TRAF3IP1: variants seen among roughly 807,000 people sequenced by gnomAD.
TRAF3IP1 encodes the protein intraflagellar transport 54.
A neutral mutation model predicts 89.9 loss-of-function variants in TRAF3IP1; 53 were observed. The ratio of observed to expected loss-of-function variants is 0.59; its 90% CI spans 0.47 to 0.74. TRAF3IP1 has a LOEUF of 0.74. TRAF3IP1 is among the 30% of genes least tolerant of loss of function. TRAF3IP1 has a pLI of 0.00. For missense variants in TRAF3IP1, 806 were observed against 866.1 expected (o/e 0.93, Z 0.87); for synonymous variants, 311 against 322.1 (o/e 0.97, Z 0.37).
intron 15 of TRAF3IP1, among the ~76,000 whole-genome samples, chr2:238,374,807 G>A (rs1354038734): frequency 1.3e-5 from 2 of 152,106 alleles, no homozygotes; most frequent in African/African-American, 2.4e-5. Context: ...TAATTTCAGA[G>A]CCTGTTATTG....
intron 15 of TRAF3IP1, among the ~76,000 whole-genome samples, chr2:238,370,265 CTA>C (rs56886761): frequency 0.12 from 17,608 of 151,490 alleles, 1,706 homozygotes; most frequent in African/African-American, 0.27. Flanking sequence ...GTGTGCATGT[CTA>C]TGTGAATGTC....
chr2:238,389,796 A>G (rs1700921075), intron 15 of TRAF3IP1, among the ~76,000 whole-genome samples: 1 of 144,742 alleles, frequency 6.9e-6, no homozygotes, highest in Non-Finnish European at 1.5e-5. Flanking sequence ...ATTCTCTTGA[A>G]GGATTGCAGT....
intron 15 of TRAF3IP1, among the ~76,000 whole-genome samples, chr2:238,382,909 G>A (rs1222962627): frequency 6.6e-6 from 1 of 151,720 alleles, no homozygotes; most frequent in African/African-American, 2.4e-5. Context: ...TGGAAGCCAC[G>A]TGTTTTTATT....
intron 10 of TRAF3IP1, among the ~76,000 whole-genome samples, 172 bp from the exon 11 acceptor site, chr2:238,348,592 C>T (rs555573144): frequency 6.6e-6 from 1 of 152,302 alleles, no homozygotes; most frequent in African/African-American, 2.4e-5. Context: ...AGATATCAGA[C>T]ATCGATTTTC....
chr2:238,344,815 C>T (rs1698818851), intron 9 of TRAF3IP1: 1 of 659,836 alleles, frequency 1.5e-6, no homozygotes, highest in Non-Finnish European at 2.8e-6. Flanking sequence ...CTCCCCCGTG[C>T]TCTGTAAGTG....
At chr2:238,336,486 G>A (rs902214139) in intron 7 of TRAF3IP1, among the ~76,000 whole-genome samples, 1 of 152,060 alleles carries the variant, frequency 6.6e-6, no homozygotes, top group Non-Finnish European at 1.5e-5. Flanking sequence ...CTTGCTCAAG[G>A]GGATGAATGA....
rs370111439 is a variant in TRAF3IP1, at chr2:238,323,385, T to C, written c.124-1921T>C. On this transcript the variant is annotated intron_variant, in intron 1 of 16. Coordinates refer to ENST00000373327, the MANE Select transcript of TRAF3IP1 (RefSeq NM_015650.4). ...TGAGCTACTGTACCCAGCCTATTGC[T>C]CACAATTTTAACTGCCAGCATCCTG... 1.1e-3 allele frequency among the ~76,000 whole-genome samples: 164 copies of C among 152,264 alleles called. 1 individual carries two copies. The highest frequency in any genetic ancestry group is 6.8e-3 in the Middle Eastern group (2 of 294).
chr2:238,325,773 A>G (rs1697796391), intron 2 of TRAF3IP1, 36 bp from the exon 3 acceptor site: 1 of 1,586,698 alleles, frequency 6.3e-7, no homozygotes, highest in Non-Finnish European at 8.6e-7. Flanking sequence ...TCTTCAAAGT[A>G]TTGTAATATT....
intron 15 of TRAF3IP1, among the ~76,000 whole-genome samples, chr2:238,387,425 T>G (rs1403178960): frequency 6.6e-6 from 1 of 152,190 alleles, no homozygotes; most frequent in Non-Finnish European, 1.5e-5. Context: ...GGCATGGGAG[T>G]AGAGCTAAAG....
chr2:238,338,635 AG>A (rs1282146000), intron 8 of TRAF3IP1, among the ~76,000 whole-genome samples, 178 bp downstream of exon 8: 3 of 152,214 alleles, frequency 2.0e-5, no homozygotes, highest in African/African-American at 7.2e-5. Context: ...TAATATGCTA[AG>A]TTATGTAACT....
chr2:238,352,909 G>C lies in TRAF3IP1; in HGVS notation c.1534G>C (p.Glu512Gln). The stretch of plus-strand genomic sequence containing the variant: ...TGAAGAGGATGATCAATTTGTGGTG[G>C]AAGCTGCCCCTCAGCTCTCTGAAAT... The part of the protein sequence containing the change: ...DNEEDDQFVV[E>Q]AAPQLSEMSE... Residue 512 changes from glutamate to glutamine, a missense_variant, in exon 13 of 17, where the codon GAA becomes CAA. Coordinates refer to ENST00000373327, the MANE Select transcript of TRAF3IP1 (RefSeq NM_015650.4). The C allele has an allele frequency of 6.2e-7, 1 of 1,613,928 alleles. No individual in the cohort carries two copies. The highest frequency in any genetic ancestry group is 2.2e-5 in the East Asian group (1 of 44,888).
At chr2:238,365,486 C>T (rs1014544915) in intron 15 of TRAF3IP1, among the ~76,000 whole-genome samples, 1 of 151,974 alleles carries the variant, frequency 6.6e-6, no homozygotes, top group African/African-American at 2.4e-5. Flanking sequence ...CATAGCGAGA[C>T]ACCATCTCTA....
At chr2:238,396,226 G>A (rs1019524596) in intron 15 of TRAF3IP1, among the ~76,000 whole-genome samples, 23 of 152,110 alleles carry the variant, frequency 1.5e-4, no homozygotes, top group Non-Finnish European at 2.2e-4. Context: ...CATGTCCTTT[G>A]TAGGGACATG....
At chr2:238,324,608 TTTTTTTC>T (rs1697720184) in intron 1 of TRAF3IP1, among the ~76,000 whole-genome samples, 1 of 152,074 alleles carries the variant, frequency 6.6e-6, no homozygotes, top group South Asian at 2.1e-4. Flanking sequence ...TTTCATTTTC[TTTTTTTC>T]TTTTTTTTGA....
chr2:238,374,928 T>C (rs1186787092), intron 15 of TRAF3IP1, among the ~76,000 whole-genome samples: 1 of 152,220 alleles, frequency 6.6e-6, no homozygotes, highest in Non-Finnish European at 1.5e-5. Context: ...GAGGTGTTTA[T>C]AGTATTCTCT....
intron 12 of TRAF3IP1, among the ~76,000 whole-genome samples, chr2:238,352,158 T>TGA (rs1005942850): frequency 1.3e-5 from 2 of 151,744 alleles, no homozygotes; most frequent in Non-Finnish European, 2.9e-5. Flanking sequence ...CTGGAGAGCA[T>TGA]GAGAGAGCCC....
At chr2:238,346,598 G>C (rs753037090) in intron 9 of TRAF3IP1, among the ~76,000 whole-genome samples, 2 of 152,186 alleles carry the variant, frequency 1.3e-5, no homozygotes, top group African/African-American at 2.4e-5. Context: ...GGTGTCTGTA[G>C]AGTGCTCCTC....
intron 1 of TRAF3IP1, among the ~76,000 whole-genome samples, chr2:238,322,539 A>C (rs1466701694): frequency 6.6e-6 from 1 of 151,836 alleles, no homozygotes; most frequent in Non-Finnish European, 1.5e-5. Flanking sequence ...AAAATACAAA[A>C]ATTAGCTGAG....
At chr2:238,355,656 A>T (rs1699373811) in intron 14 of TRAF3IP1, among the ~76,000 whole-genome samples, 1 of 152,280 alleles carries the variant, frequency 6.6e-6, no homozygotes, top group Non-Finnish European at 1.5e-5. Context: ...ATCCGTACTT[A>T]GAAGCATTTC....
Sources: allele counts gnomAD v4.1 joint callset (sites outside exome capture counted in the v4.1 genomes callset), GRCh38; gene constraint gnomAD v4.1.1; transcripts MANE v1.5; gene names NCBI Gene and HGNC (gene_info 2026-07-23, HGNC 2026-07-21).